Variants in IL27 observed in about 807,000 individuals in gnomAD.
IL27 encodes the protein interleukin-27 subunit alpha.
Under a neutral mutation model 27.0 loss-of-function variants are expected in IL27, and 11 were observed. That is an observed-to-expected ratio of 0.41 (90% confidence interval 0.26 to 0.67). The LOEUF is 0.67. Ranked by LOEUF, IL27 falls within the 30% of genes least tolerant of loss-of-function variation. The probability of loss-of-function intolerance (pLI) is 0.34; values close to 1 mark genes in which losing one functional copy is unlikely to be tolerated. For missense variants in IL27, 299 were observed against 310.4 expected (o/e 0.96, Z 0.28); for synonymous variants, 134 against 140.6 (o/e 0.95, Z 0.33).
chr16:28,500,222 C>A lies in IL27; in HGVS notation c.463-302G>T, dbSNP rs78619502. 3.4e-3 allele frequency among the ~76,000 whole-genome samples: 514 copies of A among 152,252 alleles called. 3 individuals are homozygous for A. Among genetic ancestry groups the A allele is most frequent in the African/African-American group, 0.012 (491 of 41,570 alleles). On this transcript the variant is annotated intron_variant, in intron 4 of 4. Coordinates refer to ENST00000356897, the MANE Select transcript of IL27 (RefSeq NM_145659.3). ...TCTGCTGTGAAAGTTGCTTTTGGGT[C>A]GGGTCAGCAACAGGCAGAGGGTGAC...
At chr16:28,502,839 T>C (rs1801454805) in intron 3 of IL27, among the ~76,000 whole-genome samples, 1 of 152,174 alleles carries the variant, frequency 6.6e-6, no homozygotes. Flanking sequence ...TTGGTTTGTT[T>C]TGAGATGGAG....
chr16:28,503,546 C>T (rs1240016788), intron 3 of IL27, 149 bp downstream of exon 3: 6 of 631,852 alleles, frequency 9.5e-6, no homozygotes, highest in African/African-American at 1.9e-5. Flanking sequence ...AGTCACCATG[C>T]CTGTCTTTCA....
At position 28,502,001 on chromosome 16, in the gene IL27, TC is replaced by T; in HGVS notation, c.436del (p.Asp146IlefsTer94). On this transcript the variant is annotated frameshift_variant, in exon 4 of 5. Coordinates refer to ENST00000356897, the MANE Select transcript of IL27 (RefSeq NM_145659.3). LOFTEE classifies it high-confidence loss of function. Reference sequence around the variant, plus strand: ...CTGGAAGCGGAGGTGCCGCTGCAGATCGCGGAGGTCCAGCCTCATGGCCCAC... The same window carrying T: ...CTGGAAGCGGAGGTGCCGCTGCAGATGCGGAGGTCCAGCCTCATGGCCCAC... Reference protein sequence around the residue: ...QLWAMRLDLRDLQRHLRFQVL... With the variant: ...QLWAMRLDLRXLQRHLRFQVL... The T allele has an allele frequency of 6.2e-7, 1 of 1,609,336 alleles. No homozygotes were observed. Among genetic ancestry groups the T allele is most frequent in the Non-Finnish European group, 8.5e-7 (1 of 1,179,018 alleles).
At chr16:28,501,265 C>T (rs1289139228) in intron 4 of IL27, among the ~76,000 whole-genome samples, 2 of 151,760 alleles carry the variant, frequency 1.3e-5, no homozygotes, top group Admixed American at 6.6e-5. Flanking sequence ...CATACCTATA[C>T]CCAAACTCTC....
intron 4 of IL27, among the ~76,000 whole-genome samples, chr16:28,500,222 CG>C (rs1205818915): frequency 6.6e-6 from 1 of 152,138 alleles, no homozygotes; most frequent in Non-Finnish European, 1.5e-5. Context: ...GCTTTTGGGT[CG>C]GGTCAGCAAC....
rs1478645229 is a variant in IL27, at chr16:28,502,050, T to G, written c.388A>C (p.Thr130Pro). The change falls in exon 4 of 5, where the codon ACC becomes CCC. Residue 130 changes from threonine (T) to proline (P), a missense_variant. Physicochemically the swap from Thr to Pro is conservative, Grantham distance 38. Transcript: ENST00000356897. ...CACAGCTGCATCCTCTCCATGTTGG[T>G]CCAGCGGCCCTGGGTCCCCAGCCCT... ...LGGLGTQGRWTNMERMQLWAM... is the reference protein window; with the variant it reads ...LGGLGTQGRWPNMERMQLWAM... 1 of 1,613,566 alleles carries G rather than the reference T, an allele frequency of 6.2e-7. No homozygotes were observed. Among genetic ancestry groups the G allele is most frequent in the Admixed American group, 1.7e-5 (1 of 60,004 alleles).
intron 1 of IL27, among the ~76,000 whole-genome samples, chr16:28,506,103 C>T (rs1298367287): frequency 1.3e-5 from 2 of 152,112 alleles, no homozygotes; most frequent in African/African-American, 2.4e-5. Flanking sequence ...TCAAGCCCAA[C>T]CGTAAGTGAG....
At chr16:28,504,764 G>A (rs781378099) in intron 1 of IL27, among the ~76,000 whole-genome samples, 2 of 151,914 alleles carry the variant, frequency 1.3e-5, no homozygotes, top group African/African-American at 4.8e-5. Flanking sequence ...CTATTTTTTT[G>A]TAGAGACAGG....
intron 3 of IL27, 126 bp downstream of exon 3, chr16:28,503,569 A>G (rs1265483118): frequency 1.5e-6 from 1 of 685,974 alleles, no homozygotes; most frequent in South Asian, 1.9e-5. Context: ...TCTATGTCCA[A>G]TGACATATTC....
Position 28,499,458 on chromosome 16 carries a change from C to T in IL27, c.*193G>A. ...ATAAATAAACCATCATCTCCCTAAA[C>T]AATAAATAAATATCCAAGAAATAAA... On this transcript the variant is annotated 3_prime_UTR_variant, in exon 5 of 5. Coordinates refer to ENST00000356897, the MANE Select transcript of IL27 (RefSeq NM_145659.3). The T allele has an allele frequency of 1.7e-6, 1 of 573,256 alleles. No individual in the cohort carries two copies. The highest frequency in any genetic ancestry group is 3.0e-5 in the Admixed American group (1 of 33,678). 35.5% of individuals were successfully genotyped at this position (573,256 alleles called of 1,614,324 possible).
At chr16:28,503,499 C>T (rs2046444859) in intron 3 of IL27, among the ~76,000 whole-genome samples, 196 bp downstream of exon 3, 1 of 152,226 alleles carries the variant, frequency 6.6e-6, no homozygotes, top group African/African-American at 2.4e-5. Context: ...GCAGTCCTTC[C>T]ACCTGGGCCT....
At position 28,499,770 on chromosome 16, in the gene IL27, G is replaced by C; in HGVS notation, c.613C>G (p.Arg205Gly). 6.2e-7 allele frequency: 1 copy of C among 1,612,318 alleles called. No homozygotes were observed. Among genetic ancestry groups the C allele is most frequent in the Non-Finnish European group, 8.5e-7 (1 of 1,179,422 alleles). The change falls in exon 5 of 5, where the codon CGC becomes GGC. Residue 205 changes from arginine to glycine, a missense_variant. By Grantham distance (125) the Arg-to-Gly change is moderately radical. Transcript: ENST00000356897. ...VSWPQLLSTY[R>G]LLHSLELVLS... ...ACGAGCTCCAAGGAGTGCAGCAGGC[G>C]GTAGGTGGAGAGGAGCTGGGGCCAG... is the stretch of plus-strand genomic sequence containing the variant.
At chr16:28,504,260 C>T (rs561313079) in intron 1 of IL27, among the ~76,000 whole-genome samples, 36 of 152,294 alleles carry the variant, frequency 2.4e-4, no homozygotes, top group Middle Eastern at 3.4e-3. Context: ...GGCGGATCAC[C>T]TGAGGCCAGG....
chr16:28,501,425 C>T (rs928450656), intron 4 of IL27, among the ~76,000 whole-genome samples: 2 of 151,122 alleles, frequency 1.3e-5, no homozygotes, highest in Admixed American at 1.3e-4. Flanking sequence ...CATACAGACC[C>T]ACACACACTC....
chr16:28,506,487 C>A (rs2046461549), intron 1 of IL27, among the ~76,000 whole-genome samples: 1 of 152,146 alleles, frequency 6.6e-6, no homozygotes, highest in Non-Finnish European at 1.5e-5. Flanking sequence ...ACTCCAAACT[C>A]TTCATTTATC....
intron 3 of IL27, among the ~76,000 whole-genome samples, chr16:28,502,401 C>A (rs984057542): frequency 5.3e-5 from 8 of 151,984 alleles, no homozygotes; most frequent in Non-Finnish European, 1.0e-4. Flanking sequence ...CCCTGAAGCA[C>A]TCTCCATCCA....
chr16:28,503,240 G>A (rs1159505952), intron 3 of IL27, among the ~76,000 whole-genome samples: 5 of 152,096 alleles, frequency 3.3e-5, no homozygotes, highest in Non-Finnish European at 7.4e-5. Context: ...TTACAGGCAT[G>A]AGCCACCACG....
chr16:28,500,808 G>C (rs1489624280), intron 4 of IL27, among the ~76,000 whole-genome samples: 1 of 152,048 alleles, frequency 6.6e-6, no homozygotes, highest in Non-Finnish European at 1.5e-5. Context: ...CCAGGGCCTG[G>C]TGTGGCTGTG....
intron 1 of IL27, among the ~76,000 whole-genome samples, chr16:28,504,652 A>C (rs1386341639): frequency 6.6e-6 from 1 of 150,518 alleles, no homozygotes; most frequent in Non-Finnish European, 1.5e-5. Flanking sequence ...TGGTGTGATC[A>C]CAGCTCACTG....
Sources: allele counts gnomAD v4.1 joint callset (sites outside exome capture counted in the v4.1 genomes callset), GRCh38; gene constraint gnomAD v4.1.1; transcripts MANE v1.5; gene names NCBI Gene and HGNC (gene_info 2026-07-23, HGNC 2026-07-21).